The following NCOR2 variants were observed in gnomAD, a reference collection of about 807,000 sequenced individuals.
NCOR2 encodes the protein nuclear receptor corepressor 2, also known as CTG repeat protein 26.
Under a neutral mutation model 262.9 loss-of-function variants are expected in NCOR2, and 81 were observed. That is an observed-to-expected ratio of 0.31 (90% CI 0.26 to 0.37). NCOR2 has a LOEUF of 0.37. Ranked by LOEUF, NCOR2 falls within the 10% of genes least tolerant of loss-of-function variation. The pLI, the probability that NCOR2 is intolerant of heterozygous loss-of-function variation, is 1.00. For synonymous variants in NCOR2, 1,659 were observed against 1,559.3 expected, an observed-to-expected ratio of 1.06 and a Z score of -1.51; for missense variants, 3,385 against 3,621.4, an observed-to-expected ratio of 0.93 and a Z score of 1.68.
At chr12:124,352,697 G>A (rs962789055) in intron 27 of NCOR2, among the ~76,000 whole-genome samples, 1 of 152,214 alleles carries the variant, frequency 6.6e-6, no homozygotes, top group Non-Finnish European at 1.5e-5. Flanking sequence ...GTATTTTAGA[G>A]GTGCCATCTT....
intron 1 of NCOR2, among the ~76,000 whole-genome samples, chr12:124,562,934 A>G (rs913528332): frequency 4.6e-5 from 7 of 152,180 alleles, no homozygotes; most frequent in Admixed American, 3.3e-4. Context: ...ATTATATCTC[A>G]CAACCATAAA....
chr12:124,330,176 C>G, intron 44 of NCOR2, among the ~76,000 whole-genome samples: 1 of 152,216 alleles, frequency 6.6e-6, no homozygotes, highest in East Asian at 1.9e-4. Flanking sequence ...GGCAGCCGAC[C>G]CCAAAACTGC....
At chr12:124,451,646 G>A (rs955989633) in intron 6 of NCOR2, among the ~76,000 whole-genome samples, 6 of 152,134 alleles carry the variant, frequency 3.9e-5, no homozygotes, top group African/African-American at 1.4e-4. Flanking sequence ...AGCCTCCCAG[G>A]GTGGCCATGG....
In NCOR2 at chr12:124,457,251, T is replaced by TGCCCA; in HGVS notation, c.706-94_706-90dup. The stretch of plus-strand genomic sequence containing the variant: ...GAGGCTTCCCGGAGCAGCGGGCACC[T>TGCCCA]GCCCAGCCCAGTCCAGCATGCTGAT... On this transcript the variant is annotated intron_variant, in intron 5 of 46. Coordinates refer to ENST00000405201, the Ensembl canonical transcript of NCOR2. The surrounding 1 kb of genome is among the most constrained non-coding windows in gnomAD (Gnocchi z 4.0). 1.5e-6 allele frequency: 2 copies of TGCCCA among 1,362,950 alleles called. 1 individual carries two copies. Among genetic ancestry groups the TGCCCA allele is most frequent in the South Asian group, 2.9e-5 (2 of 68,430 alleles). The allele number at this position is 1,362,950 out of a possible 1,614,324, so 84.4% of individuals were successfully genotyped here. A position where few individuals can be genotyped will look rare whatever the true frequency, so the allele number is the denominator to read the frequency against.
intron 13 of NCOR2, among the ~76,000 whole-genome samples, chr12:124,410,522 G>A (rs886084251): frequency 6.6e-6 from 1 of 152,026 alleles, no homozygotes; most frequent in Non-Finnish European, 1.5e-5. Context: ...CCTGACTGGA[G>A]AGGACCCAGC....
intron 22 of NCOR2, among the ~76,000 whole-genome samples, chr12:124,358,634 C>CA (rs2038216414): frequency 6.6e-6 from 1 of 152,172 alleles, no homozygotes; most frequent in South Asian, 2.1e-4. Context: ...ACAGACACAC[C>CA]AATGGGCTCA....
exon 24 of NCOR2, chr12:124,355,473 G>A (rs1163879883): frequency 3.7e-6 from 6 of 1,612,968 alleles, no homozygotes; most frequent in East Asian, 2.2e-5. Flanking sequence ...ACGCTGGGGT[G>A]CTTGGCAGAG....
intron 11 of NCOR2, among the ~76,000 whole-genome samples, chr12:124,423,116 G>A (rs1200037312): frequency 1.3e-5 from 2 of 152,202 alleles, no homozygotes; most frequent in Non-Finnish European, 2.9e-5. Flanking sequence ...GGGCGGTGGC[G>A]GGTCGCTGGC....
intron 20 of NCOR2, among the ~76,000 whole-genome samples, chr12:124,364,830 T>C (rs2038894620): frequency 6.6e-6 from 1 of 152,166 alleles, no homozygotes; most frequent in East Asian, 1.9e-4. Context: ...GCAACCTGCA[T>C]TTGCTAGGCA....
chr12:124,548,021 G>A lies in NCOR2; in HGVS notation c.-164-12410C>T, dbSNP rs929802346. 1.3e-5 allele frequency among the ~76,000 whole-genome samples: 2 copies of A among 152,060 alleles called. No individual in the cohort carries two copies. The highest frequency in any genetic ancestry group is 4.8e-5 in the African/African-American group (2 of 41,398). ...TTGTAAGGTTATAAAATAACCATAA[G>A]AACTATGATGATGTGGAATCTGGTG... On this transcript the variant is annotated intron_variant, in intron 1 of 32. Transcript: ENST00000458234. This position sits in a 1 kb window ranked among gnomAD's most constrained non-coding sequence, Gnocchi z 5.1.
exon 47 of NCOR2, chr12:124,325,376 C>CGGGGG: frequency 2.3e-6 from 1 of 426,500 alleles, no homozygotes; most frequent in Non-Finnish European, 3.4e-6. Context: ...GACCTGACAC[C>CGGGGG]GCCCCCCCCC....
chr12:124,340,670 C>A lies in NCOR2; in HGVS notation c.5270G>T (p.Arg1757Leu), dbSNP rs779843766. The A allele has an allele frequency of 2.6e-5, 40 of 1,509,692 alleles. No homozygotes were observed. The highest frequency in any genetic ancestry group is 3.0e-5 in the Non-Finnish European group (34 of 1,137,620). 93.5% of individuals were successfully genotyped at this position (1,509,692 alleles called of 1,614,324 possible). ...GGGCGCGGTGGGGAGGTAGGCAAGGCGGTCCATGGCGGTGGCTGGGGTGCC... is the reference window on the plus strand; with the variant it reads ...GGGCGCGGTGGGGAGGTAGGCAAGGAGGTCCATGGCGGTGGCTGGGGTGCC... The change falls in exon 35 of 47, where the codon CGC becomes CTC. Residue 1757 changes from arginine (R) to leucine (L), a missense_variant. Transcript: ENST00000405201.
At chr12:124,500,903 T>C (rs1387805411) in intron 1 of NCOR2, among the ~76,000 whole-genome samples, 2 of 151,856 alleles carry the variant, frequency 1.3e-5, no homozygotes, top group Non-Finnish European at 2.9e-5. Context: ...GTGGGGAGGA[T>C]GAAAGGCACG....
At chr12:124,365,220 G>A (rs896322783) in intron 20 of NCOR2, among the ~76,000 whole-genome samples, 3 of 152,320 alleles carry the variant, frequency 2.0e-5, no homozygotes, top group Admixed American at 6.5e-5. Flanking sequence ...TCAGCCAGAG[G>A]GCAAAACTTC....
chr12:124,473,089 T>G, exon 4 of NCOR2: 2 of 1,613,752 alleles, frequency 1.2e-6, no homozygotes, highest in Middle Eastern at 1.7e-4. Flanking sequence ...TGCGGGGGGC[T>G]GGGGGGAGAC....
In NCOR2 at chr12:124,483,629, C is replaced by A; in HGVS notation, c.378G>T (p.Thr126=). 6.2e-7 allele frequency: 1 copy of A among 1,609,148 alleles called. No homozygotes were observed. The highest frequency in any genetic ancestry group is 2.2e-5 in the East Asian group (1 of 44,662). ...GGTCTTCAGATCCCGCAGGCTGGCC[C>A]GTGGCCAGCAGGGGTGACGGTCGCA... Residue 126 remains threonine (T), a synonymous_variant, in exon 3 of 47, where the codon ACG becomes ACT. Coordinates refer to ENST00000405201, the Ensembl canonical transcript of NCOR2. This position sits in a 1 kb window ranked among gnomAD's most constrained non-coding sequence, Gnocchi z 6.3.
At chr12:124,420,756 A>G (rs1458356242) in intron 12 of NCOR2, among the ~76,000 whole-genome samples, 1 of 152,188 alleles carries the variant, frequency 6.6e-6, no homozygotes, top group East Asian at 1.9e-4. Flanking sequence ...CAGCTTGCCA[A>G]TGCCCACAGC....
chr12:124,493,776 C>T (rs1333514860), intron 1 of NCOR2, among the ~76,000 whole-genome samples: 3 of 152,178 alleles, frequency 2.0e-5, no homozygotes, highest in Admixed American at 6.5e-5. Context: ...TCCTTAGCCC[C>T]AGGCACGCAG....
intron 43 of NCOR2, chr12:124,332,020 T>C (rs2035244083): frequency 2.6e-6 from 1 of 387,590 alleles, no homozygotes; most frequent in Non-Finnish European, 4.9e-6. Flanking sequence ...CCGGCCCTTG[T>C]GTGGGAGGGA....
Sources: gnomAD v4.1 joint callset for allele counts (sites outside exome capture counted in the v4.1 genomes callset) on GRCh38, gnomAD v4.1.1 for gene constraint, Gnocchi (gnomAD v3.1) non-coding constraint, MANE v1.5 for transcripts, NCBI Gene and HGNC (gene_info 2026-07-23, HGNC 2026-07-21) for gene names.